Variants in USP40 observed in about 807,000 individuals in gnomAD.
The protein encoded by USP40 is ubiquitin carboxyl-terminal hydrolase 40.
A neutral mutation model predicts 166.2 loss-of-function variants in USP40; 143 were observed. The observed-to-expected ratio is 0.86, with a 90% CI of 0.75 to 0.99. The LOEUF (loss-of-function observed/expected upper bound fraction) is 0.99, where lower values mean the gene tolerates loss of function less well. Among genes scored for constraint, USP40 ranks in the 50% least tolerant of loss-of-function variants. The pLI is 0.00. For missense variants in USP40, 1,444 were observed against 1,479.7 expected (o/e 0.98, Z 0.40); for synonymous variants, 498 against 524.0 (o/e 0.95, Z 0.68).
At chr2:233,529,278 CT>C (rs1415152263) in intron 12 of USP40, among the ~76,000 whole-genome samples, 152 bp downstream of exon 12, 1 of 152,196 alleles carries the variant, frequency 6.6e-6, no homozygotes, top group Non-Finnish European at 1.5e-5. Flanking sequence ...TAAAGTTACC[CT>C]CACTATAAAA....
At chr2:233,506,750 A>G (rs1575253442) in intron 21 of USP40, among the ~76,000 whole-genome samples, 1 of 148,006 alleles carries the variant, frequency 6.8e-6, no homozygotes, top group South Asian at 2.1e-4. Context: ...CAAAAAAAAA[A>G]AAAAAAAAAA....
In USP40 at chr2:233,527,486, A is replaced by C; in HGVS notation, c.1646T>G (p.Val549Gly). ...ATCCCACACGCTTTCTGTTTGAGAG[A>C]CTACTGGGTGCAGAGCCCCATTGAA... is the stretch of plus-strand genomic sequence containing the variant. ...HFFNGALHPV[V>G]SQTESVWDLT... Residue 549 changes from valine (V) to glycine (G), a missense_variant, in exon 13 of 32, where the codon GTC (valine) becomes GGC (glycine). Physicochemically the swap from Val to Gly is moderately radical, Grantham distance 109. Coordinates refer to ENST00000678225, the MANE Select transcript of USP40 (RefSeq NM_001365479.2). 6.2e-7 allele frequency: 1 copy of C among 1,613,874 alleles called. No individual in the cohort carries two copies. Among genetic ancestry groups the C allele is most frequent in the Non-Finnish European group, 8.5e-7 (1 of 1,179,822 alleles).
chr2:233,486,376 C>G lies in USP40; in HGVS notation c.3198-399G>C, dbSNP rs1575217093. 6.6e-6 allele frequency among the ~76,000 whole-genome samples: 1 copy of G among 152,110 alleles called. No homozygotes were observed. Among genetic ancestry groups the G allele is most frequent in the South Asian group, 2.1e-4 (1 of 4,826 alleles). ...GAGGTAGGCAGTTATGCCCTTGACT[C>G]TGGGGGCTGTAAATGTGAGCTGCCA... On this transcript the variant is annotated intron_variant, in intron 28 of 31. Transcript: ENST00000678225. The surrounding 1 kb of genome is among the most constrained non-coding windows in gnomAD (Gnocchi z 4.0).
At chr2:233,535,827 T>C (rs1445796943) in intron 10 of USP40, among the ~76,000 whole-genome samples, 2 of 152,144 alleles carry the variant, frequency 1.3e-5, no homozygotes, top group East Asian at 3.9e-4. Flanking sequence ...TCTTAAAAAA[T>C]CTATTGCACA....
chr2:233,485,103 TAAGTTTTA>T (rs2064863039), intron 30 of USP40, among the ~76,000 whole-genome samples: 1 of 152,228 alleles, frequency 6.6e-6, no homozygotes, highest in Admixed American at 6.5e-5. Flanking sequence ...TTTTTAATAA[TAAGTTTTA>T]TTTTATGCTT....
rs1237008062 is a variant in USP40 at position 233,489,412 on chromosome 2, C to G, written c.3084G>C (p.Glu1028Asp). 1 of 1,605,108 alleles carries G rather than the reference C, an allele frequency of 6.2e-7. No homozygotes were observed. The change falls in exon 27 of 32, where the codon GAG (glutamate) becomes GAC (aspartate). Residue 1028 changes from glutamate (E) to aspartate (D), a missense_variant. Physicochemically the swap from Glu to Asp is conservative, Grantham distance 45. Transcript: ENST00000678225. ...SPAHLRAWTVERKRPGRLLRT... is the reference protein window; with the variant it reads ...SPAHLRAWTVDRKRPGRLLRT... Reference sequence around the variant, plus strand: ...GTAAAAGCCTGCCTGGGCGCTTCCTCTCCACCGTCCAGGCTCTGAGGTGGG... The same window carrying G: ...GTAAAAGCCTGCCTGGGCGCTTCCTGTCCACCGTCCAGGCTCTGAGGTGGG...
Position 233,511,701 on chromosome 2 carries a change from T to C in USP40, c.2526+8A>G. The C allele has an allele frequency of 6.2e-7, 1 of 1,607,138 alleles. No individual in the cohort carries two copies. The highest frequency in any genetic ancestry group is 8.5e-7 in the Non-Finnish European group (1 of 1,176,796). On this transcript the variant is annotated splice_region_variant and intron_variant, in intron 20 of 31. Transcript: ENST00000678225. ...GATTTTGTTTTGAAACAGGTGACCT[T>C]ATTTTACCTGAGACGAACTTGGTGC...
At chr2:233,495,028 AT>A (rs2065666581) in intron 24 of USP40, among the ~76,000 whole-genome samples, 1 of 139,442 alleles carries the variant, frequency 7.2e-6, no homozygotes, top group Admixed American at 7.3e-5. Flanking sequence ...AAATAAATAT[AT>A]TTTTTACATT....
chr2:233,494,962 A>ATTTATT (rs1559224425), intron 24 of USP40, among the ~76,000 whole-genome samples: 1 of 71,400 alleles, frequency 1.4e-5, no homozygotes, highest in Non-Finnish European at 2.7e-5. Flanking sequence ...ATATTTATAT[A>ATTTATT]TATATATATA....
chr2:233,548,881 G>A (rs562528695), intron 8 of USP40, among the ~76,000 whole-genome samples: 1 of 152,028 alleles, frequency 6.6e-6, no homozygotes, highest in African/African-American at 2.4e-5. Context: ...CTAGGTAAAG[G>A]GTATACAGGA....
chr2:233,547,905 G>A (rs1198682306), intron 8 of USP40, among the ~76,000 whole-genome samples: 1 of 152,076 alleles, frequency 6.6e-6, no homozygotes, highest in Non-Finnish European at 1.5e-5. Context: ...AAAAAATGAA[G>A]ACAGGTCCCA....
chr2:233,517,781 GGTGTGTGTGTGTGTGTGT>G (rs111938537), intron 18 of USP40, among the ~76,000 whole-genome samples: 28 of 142,248 alleles, frequency 2.0e-4, no homozygotes, highest in African/African-American at 6.0e-4. Flanking sequence ...AAGAAACTGT[GGTGTGTGTGTGTGTGTGT>G]GTGTGTGTGT....
chr2:233,538,985 T>C (rs561573681), intron 10 of USP40, among the ~76,000 whole-genome samples: 17 of 152,292 alleles, frequency 1.1e-4, no homozygotes, highest in African/African-American at 3.9e-4. Context: ...GCTGTGACTG[T>C]GCTCCTACGC....
chr2:233,488,337 G>T, intron 27 of USP40, 33 bp from the exon 28 acceptor site: 1 of 1,512,636 alleles, frequency 6.6e-7, no homozygotes, highest in South Asian at 1.3e-5. Flanking sequence ...AATATTGAGT[G>T]ACATAACATT....
chr2:233,481,252 C>T lies in USP40; in HGVS notation c.3550G>A (p.Asp1184Asn), dbSNP rs780426626. 19 of 1,608,154 alleles carry T rather than the reference C, an allele frequency of 1.2e-5. No homozygotes were observed. The highest frequency in any genetic ancestry group is 1.4e-5 in the Non-Finnish European group (17 of 1,177,170). Residue 1184 changes from aspartate (D) to asparagine (N), a missense_variant, in exon 31 of 32, where the codon GAC becomes AAC. Transcript: ENST00000678225. ...TGTTTCTGCTTTTCTTTTCCAGTGT[C>T]ATCTCTGATTGTACTGAAATCATCA... ...DDDDFSTIRD[D>N]TGKEKQKQRA...
chr2:233,538,744 T>C (rs181073115), intron 10 of USP40, among the ~76,000 whole-genome samples: 1 of 152,292 alleles, frequency 6.6e-6, no homozygotes, highest in Admixed American at 6.5e-5. Flanking sequence ...ATTTCTGGTG[T>C]GGTGGCTCAT....
At chr2:233,489,669 G>T in intron 26 of USP40, 186 bp from the exon 27 acceptor site, 2 of 568,604 alleles carry the variant, frequency 3.5e-6, no homozygotes, top group Non-Finnish European at 6.2e-6. Flanking sequence ...AACCCTGAGC[G>T]GTCTTCATAT....
chr2:233,564,066 G>C (rs2071915067), intron 2 of USP40, among the ~76,000 whole-genome samples: 1 of 152,184 alleles, frequency 6.6e-6, no homozygotes, highest in African/African-American at 2.4e-5. Flanking sequence ...GATTGCATCA[G>C]GGAGATATTT....
At chr2:233,553,244 A>C (rs2070747609) in intron 6 of USP40, among the ~76,000 whole-genome samples, 1 of 152,228 alleles carries the variant, frequency 6.6e-6, no homozygotes, top group African/African-American at 2.4e-5. Context: ...GGTGGAAATT[A>C]AGTGTGTGAA....
Sources: gnomAD v4.1 joint callset for allele counts (sites outside exome capture counted in the v4.1 genomes callset) on GRCh38, gnomAD v4.1.1 for gene constraint, Gnocchi (gnomAD v3.1) non-coding constraint, MANE v1.5 for transcripts, NCBI Gene and HGNC (gene_info 2026-07-23, HGNC 2026-07-21) for gene names.